Variants in TENM3 observed in about 807,000 individuals in gnomAD.
The protein encoded by TENM3 is teneurin-3.
TENM3 carries 63 observed loss-of-function variants against 255.1 expected under a neutral mutation model. That is an observed-to-expected ratio of 0.25 (90% CI 0.20 to 0.30). The LOEUF (loss-of-function observed/expected upper bound fraction) is 0.30. Among genes scored for constraint, TENM3 ranks in the 10% least tolerant of loss-of-function variants. The pLI is 1.00. For synonymous variants in TENM3, 1,306 were observed against 1,322.3 expected, an observed-to-expected ratio of 0.99 and a Z score of 0.27; for missense variants, 2,929 against 3,461.1, an observed-to-expected ratio of 0.85 and a Z score of 3.86.
intron 3 of TENM3, among the ~76,000 whole-genome samples, chr4:182,481,276 T>G (rs570325003): frequency 6.6e-6 from 1 of 152,230 alleles, no homozygotes; most frequent in East Asian, 1.9e-4. Context: ...AACCTAAAAG[T>G]TAAATCGCTT....
At chr4:182,158,881 A>G (rs1051969848) in intron 1 of TENM3, among the ~76,000 whole-genome samples, 2 of 152,220 alleles carry the variant, frequency 1.3e-5, no homozygotes. Flanking sequence ...CTAATGTTAA[A>G]TGTGATACAT....
At chr4:182,079,469 T>C in the TENM3 span, among the ~76,000 whole-genome samples, 3 of 151,748 alleles carry the variant, frequency 2.0e-5, no homozygotes, top group African/African-American at 7.3e-5. Context: ...TGAGCTGAGA[T>C]TGTGCCACTG....
At chr4:182,715,962 C>G (rs1412049501) in intron 13 of TENM3, among the ~76,000 whole-genome samples, 1 of 152,172 alleles carries the variant, frequency 6.6e-6, no homozygotes, top group Non-Finnish European at 1.5e-5. Flanking sequence ...CCTTCCTGCT[C>G]CGGATAGATT....
intron 1 of TENM3, among the ~76,000 whole-genome samples, chr4:182,282,803 G>C (rs1476779965): frequency 6.7e-6 from 1 of 148,646 alleles, no homozygotes. Flanking sequence ...TGAGTCAGGA[G>C]AATTGCTTGA....
intron 1 of TENM3, among the ~76,000 whole-genome samples, chr4:182,179,340 A>G (rs190968621): frequency 3.3e-5 from 5 of 152,180 alleles, no homozygotes. Flanking sequence ...TATGGCCAGG[A>G]TGAACCCACA....
the TENM3 span, among the ~76,000 whole-genome samples, chr4:181,786,411 A>G: frequency 2.0e-5 from 3 of 152,192 alleles, no homozygotes; most frequent in Non-Finnish European, 1.5e-5. Context: ...CAGATGGTTG[A>G]TACGTAAATA....
chr4:181,764,925 G>A, the TENM3 span, among the ~76,000 whole-genome samples: 1 of 152,030 alleles, frequency 6.6e-6, no homozygotes. Context: ...GAACTCCTGG[G>A]CTCAAGGGAT....
At chr4:182,528,245 G>A in intron 3 of TENM3, among the ~76,000 whole-genome samples, 1 of 152,196 alleles carries the variant, frequency 6.6e-6, no homozygotes, top group East Asian at 1.9e-4. Context: ...ACCCTCCCGA[G>A]TAGCTGAGAT....
At chr4:181,728,645 ACC>A in the TENM3 span, among the ~76,000 whole-genome samples, 5 of 152,252 alleles carry the variant, frequency 3.3e-5, no homozygotes, top group Admixed American at 1.3e-4. Context: ...CACTTTCATC[ACC>A]ATCTTGGCTT....
chr4:181,768,596 C>G, the TENM3 span, among the ~76,000 whole-genome samples: 1 of 152,022 alleles, frequency 6.6e-6, no homozygotes, highest in Non-Finnish European at 1.5e-5. Flanking sequence ...GTTTTTTTCC[C>G]TCATTAGCAC....
At chr4:182,108,565 G>A in the TENM3 span, among the ~76,000 whole-genome samples, 2 of 152,146 alleles carry the variant, frequency 1.3e-5, no homozygotes, top group Non-Finnish European at 2.9e-5. Flanking sequence ...TCAGTCCTAG[G>A]AATATGGAAT....
At chr4:181,624,963 T>C in the TENM3 span, among the ~76,000 whole-genome samples, 1 of 152,114 alleles carries the variant, frequency 6.6e-6, no homozygotes, top group Non-Finnish European at 1.5e-5. Flanking sequence ...CAGGACACTT[T>C]ATACAGTAAT....
intron 1 of TENM3, among the ~76,000 whole-genome samples, chr4:182,212,335 CAG>C (rs901894508): frequency 6.6e-6 from 1 of 152,308 alleles, no homozygotes; most frequent in Admixed American, 6.5e-5. Context: ...TAGCATCAGG[CAG>C]AGAGTGGAAC....
At chr4:181,492,568 A>T in the TENM3 span, among the ~76,000 whole-genome samples, 1 of 152,230 alleles carries the variant, frequency 6.6e-6, no homozygotes, top group African/African-American at 2.4e-5. Context: ...AAATATTAGT[A>T]AACATCCTTG....
the TENM3 span, among the ~76,000 whole-genome samples, chr4:181,523,910 T>C: frequency 2.0e-5 from 3 of 152,208 alleles, no homozygotes; most frequent in African/African-American, 7.2e-5. Context: ...TGAAGAGCTT[T>C]CATTTGACAA....
At chr4:182,045,345 T>C in the TENM3 span, among the ~76,000 whole-genome samples, 1 of 150,272 alleles carries the variant, frequency 6.7e-6, no homozygotes, top group South Asian at 2.1e-4. Flanking sequence ...TCTGACTTAG[T>C]AGAAGCGAAT....
At chr4:182,124,927 G>A in the TENM3 span, among the ~76,000 whole-genome samples, 1 of 150,040 alleles carries the variant, frequency 6.7e-6, no homozygotes, top group Non-Finnish European at 1.5e-5. Flanking sequence ...GCGCATCCAC[G>A]CTGTGTGTGC....
the TENM3 span, among the ~76,000 whole-genome samples, chr4:181,874,256 G>T: frequency 5.8e-3 from 876 of 152,208 alleles, 11 homozygotes; most frequent in Non-Finnish European, 7.2e-3. Flanking sequence ...TATTTAATCT[G>T]GTTGATCATG....
chr4:182,114,411 TTTTA>T, the TENM3 span, among the ~76,000 whole-genome samples: 3 of 152,146 alleles, frequency 2.0e-5, no homozygotes, highest in African/African-American at 7.2e-5. Context: ...TCCTTCTTCA[TTTTA>T]TTTATGTATT....
Sources: allele counts gnomAD v4.1 joint callset (sites outside exome capture counted in the v4.1 genomes callset), GRCh38; gene constraint gnomAD v4.1.1; transcripts MANE v1.5; gene names NCBI Gene and HGNC (gene_info 2026-07-23, HGNC 2026-07-21).